ARK2N: variants seen among roughly 807,000 people sequenced by gnomAD.
ARK2N encodes the protein arkadia (RNF111) N-terminal like PKA signaling regulator 2N.
At chr18:46,182,349 G>T in the ARK2N span, among the ~76,000 whole-genome samples, 1 of 152,128 alleles carries the variant, frequency 6.6e-6, no homozygotes, top group South Asian at 2.1e-4. Context: ...CTTTTATCTT[G>T]GGACCTCAGT....
At chr18:46,186,808 G>A in the ARK2N span, among the ~76,000 whole-genome samples, 2 of 143,378 alleles carry the variant, frequency 1.4e-5, no homozygotes, top group Non-Finnish European at 3.0e-5. Context: ...GTGCCCGGCC[G>A]AATTTTGTTT....
chr18:46,227,543 C>G, the ARK2N span, among the ~76,000 whole-genome samples: 1 of 152,012 alleles, frequency 6.6e-6, no homozygotes, highest in Non-Finnish European at 1.5e-5. Flanking sequence ...ATATATACAT[C>G]CTTGTATAAG....
the ARK2N span, chr18:46,240,154 A>G: frequency 6.2e-7 from 1 of 1,614,204 alleles, no homozygotes; most frequent in Non-Finnish European, 8.5e-7. Flanking sequence ...CTGGAGGACC[A>G]GCGGGCTTCT....
the ARK2N span, among the ~76,000 whole-genome samples, chr18:46,256,276 T>C: frequency 6.6e-6 from 1 of 152,256 alleles, no homozygotes; most frequent in African/African-American, 2.4e-5. Flanking sequence ...GACATATCAC[T>C]TGGTCAAGTT....
At chr18:46,176,721 G>T in the ARK2N span, among the ~76,000 whole-genome samples, 3 of 151,882 alleles carry the variant, frequency 2.0e-5, no homozygotes, top group East Asian at 1.9e-4. Context: ...GGGTTCAAGC[G>T]ATTCTCTTGC....
the ARK2N span, among the ~76,000 whole-genome samples, chr18:46,175,816 A>G: frequency 6.6e-6 from 1 of 151,842 alleles, no homozygotes; most frequent in Non-Finnish European, 1.5e-5. Flanking sequence ...CAGATTTCTT[A>G]ATGGGAAAAA....
the ARK2N span, among the ~76,000 whole-genome samples, chr18:46,192,864 C>T: frequency 3.4e-5 from 5 of 144,976 alleles, no homozygotes; most frequent in South Asian, 4.5e-4. Flanking sequence ...TGAGCCGCTA[C>T]GCCCGGCTGA....
chr18:46,194,467 T>TTTTTTTTTTG, the ARK2N span, among the ~76,000 whole-genome samples: 1 of 128,568 alleles, frequency 7.8e-6, no homozygotes, highest in Non-Finnish European at 1.6e-5. Context: ...CTTTTTTTTG[T>TTTTTTTTTTG]TTTTTTTTTT....
At chr18:46,239,862 A>G in the ARK2N span, 33 of 746,340 alleles carry the variant, frequency 4.4e-5, no homozygotes, top group South Asian at 6.2e-4. Context: ...CACATTTTGT[A>G]CAAAATATTA....
chr18:46,210,442 G>C, the ARK2N span, among the ~76,000 whole-genome samples: 1 of 152,192 alleles, frequency 6.6e-6, no homozygotes, highest in Non-Finnish European at 1.5e-5. Flanking sequence ...GGAGCAGAGT[G>C]GGGTAGATCA....
the ARK2N span, among the ~76,000 whole-genome samples, chr18:46,243,086 A>AT: frequency 3.8e-4 from 58 of 151,348 alleles, no homozygotes; most frequent in African/African-American, 1.0e-3. Flanking sequence ...TTTCAAAGGC[A>AT]TTTTTTTTTC....
chr18:46,207,041 G>T, the ARK2N span, among the ~76,000 whole-genome samples: 3 of 152,272 alleles, frequency 2.0e-5, no homozygotes, highest in Admixed American at 2.0e-4. Context: ...TTCCCAAAGT[G>T]CTGGGATTAT....
At chr18:46,235,000 C>T in the ARK2N span, among the ~76,000 whole-genome samples, 73 of 152,250 alleles carry the variant, frequency 4.8e-4, no homozygotes, top group Admixed American at 1.0e-3. Context: ...CCCACCTTTC[C>T]TTGTGCCTTA....
chr18:46,230,184 C>T, the ARK2N span, among the ~76,000 whole-genome samples: 7 of 152,170 alleles, frequency 4.6e-5, no homozygotes, highest in East Asian at 1.3e-3. Context: ...CTCAGCCTCC[C>T]AAAGTGCTGG....
chr18:46,173,819 G>A, the ARK2N span: 1 of 152,354 alleles, frequency 6.6e-6, no homozygotes, highest in African/African-American at 2.4e-5. Flanking sequence ...GACATTTCGG[G>A]AAGGTGACGG....
chr18:46,199,295 C>A, the ARK2N span, among the ~76,000 whole-genome samples: 1 of 151,714 alleles, frequency 6.6e-6, no homozygotes. Context: ...CTGTATCTTT[C>A]TTTTTAATTT....
the ARK2N span, among the ~76,000 whole-genome samples, chr18:46,259,486 C>T: frequency 1.3e-5 from 2 of 152,146 alleles, no homozygotes; most frequent in Non-Finnish European, 2.9e-5. Context: ...CCATGATCCG[C>T]CTACCTCGGC....
At chr18:46,209,307 T>A in the ARK2N span, among the ~76,000 whole-genome samples, 1 of 150,862 alleles carries the variant, frequency 6.6e-6, no homozygotes, top group African/African-American at 2.5e-5. Context: ...TTTTTTTTTT[T>A]TACAAACCCC....
At chr18:46,189,778 C>T in the ARK2N span, among the ~76,000 whole-genome samples, 5 of 152,128 alleles carry the variant, frequency 3.3e-5, no homozygotes, top group African/African-American at 1.2e-4. Context: ...GTGGGCGGAT[C>T]GCTTGAGCCT....
Sources: allele counts gnomAD v4.1 joint callset (sites outside exome capture counted in the v4.1 genomes callset), GRCh38; gene constraint gnomAD v4.1.1; transcripts MANE v1.5; gene names NCBI Gene and HGNC (gene_info 2026-07-23, HGNC 2026-07-21).